The following KRI1 variants were observed in gnomAD, a reference collection of about 807,000 sequenced individuals.
KRI1 encodes protein KRI1 homolog.
KRI1 carries 83 observed loss-of-function variants against 97.0 expected under a neutral mutation model. That is an observed-to-expected ratio of 0.86 (90% CI 0.72 to 1.03). The LOEUF is 1.03. KRI1 is among the 50% of genes least tolerant of loss of function. KRI1 has a pLI of 0.00. For synonymous variants in KRI1, 371 were observed against 363.5 expected, an observed-to-expected ratio of 1.02 and a Z score of -0.23; for missense variants, 916 against 928.4, an observed-to-expected ratio of 0.99 and a Z score of 0.17.
chr19:10,565,815 C>CCCA lies in KRI1; in HGVS notation c.95-26_95-25insTGG, dbSNP rs201771280. 2,547 of 1,551,918 alleles carry CCCA rather than the reference C, an allele frequency of 1.6e-3. 53 individuals are homozygous for CCCA. In the African/African-American group the frequency reaches 0.03, roughly 19 times the overall value. On this transcript the variant is annotated intron_variant, in intron 1 of 18. Transcript: ENST00000312962. ...ACTGCGGGACACAGACGGGATGCCCCCCCCCAGGTCAGCCGGCGGGGCCAC... is the reference window on the plus strand; with the variant it reads ...ACTGCGGGACACAGACGGGATGCCCCCCACCCCCAGGTCAGCCGGCGGGGCCAC...
chr19:10,559,266 A>G, intron 12 of KRI1, 93 bp downstream of exon 12: 2 of 1,410,600 alleles, frequency 1.4e-6, no homozygotes, highest in Non-Finnish European at 1.9e-6. Context: ...TAGCCTCCCA[A>G]AGTGCTGGGA....
chr19:10,562,296 C>T (rs536696405), intron 4 of KRI1, among the ~76,000 whole-genome samples: 17 of 151,864 alleles, frequency 1.1e-4, no homozygotes, highest in Non-Finnish European at 2.2e-4. Context: ...GTGATCTGCC[C>T]GCCTCAGCCT....
intron 3 of KRI1, among the ~76,000 whole-genome samples, chr19:10,564,416 T>C (rs1001823372): frequency 4.6e-5 from 7 of 151,156 alleles, no homozygotes; most frequent in Non-Finnish European, 7.4e-5. Context: ...GCTGAGATCG[T>C]CCCATTGCAA....
intron 7 of KRI1, 42 bp downstream of exon 7, chr19:10,561,127 C>A (rs1003096792): frequency 6.2e-7 from 1 of 1,612,618 alleles, no homozygotes; most frequent in Admixed American, 1.7e-5. Context: ...CAGCCACCCG[C>A]CACCCTGTCC....
chr19:10,559,810 C>G lies in KRI1; in HGVS notation c.927G>C (p.Ser309=). Residue 309 remains serine (S), a splice_region_variant and synonymous_variant, in exon 10 of 19, where the codon TCG becomes TCC. Coordinates refer to ENST00000312962, the MANE Select transcript of KRI1 (RefSeq NM_023008.5). ...NFRFEEPDSA[S]VKTYPRSIAS... is the part of the protein sequence containing the mutation. ...GTCCTCCCCAGCCCCAGCCACACACCGATGCTGAGTCCGGCTCCTCGAAAC... is the reference window on the plus strand; with the variant it reads ...GTCCTCCCCAGCCCCAGCCACACACGGATGCTGAGTCCGGCTCCTCGAAAC... 1 of 1,613,848 alleles carries G rather than the reference C, an allele frequency of 6.2e-7. No individual in the cohort carries two copies. Among genetic ancestry groups the G allele is most frequent in the Non-Finnish European group, 8.5e-7 (1 of 1,179,976 alleles).
At position 10,565,706 on chromosome 19, in the gene KRI1, G is replaced by A. The variant is rs1440881333; in HGVS notation, c.168+11C>T. ...GCCTCCGCACGTCCAGGACGGGGCG[G>A]GGACGCGCACCACGCGCTCGTCGCT... On this transcript the variant is annotated intron_variant, in intron 2 of 18. Transcript: ENST00000312962. 15 of 1,563,228 alleles carry A rather than the reference G, an allele frequency of 9.6e-6. No homozygotes were observed. Among genetic ancestry groups the A allele is most frequent in the Non-Finnish European group, 1.3e-5 (15 of 1,155,400 alleles).
chr19:10,560,094 C>G (rs527346021), intron 9 of KRI1, among the ~76,000 whole-genome samples, 158 bp from the exon 10 acceptor site: 23 of 152,342 alleles, frequency 1.5e-4, no homozygotes, highest in Admixed American at 5.2e-4. Flanking sequence ...GATGGGGAAA[C>G]TGAGGCATGA....
rs1247920150 is a variant in KRI1 at position 10,553,373 on chromosome 19, TG to T, written c.*577del. The stretch of plus-strand genomic sequence containing the variant: ...GGCCCTCCCTGTCCCAAAGCCCCCT[TG>T]GGGGAACTGTGGCTGCTGGGGGCCA... On this transcript the variant is annotated 3_prime_UTR_variant, in exon 19 of 19. Coordinates refer to ENST00000312962, the MANE Select transcript of KRI1 (RefSeq NM_023008.5). 2.0e-5 allele frequency: 6 copies of T among 297,398 alleles called. No homozygotes were observed. The highest frequency in any genetic ancestry group is 3.2e-5 in the Non-Finnish European group (5 of 158,108). The allele number at this position is 297,398 out of a possible 1,614,324, so 18.4% of individuals were successfully genotyped here.
At position 10,554,079 on chromosome 19, in the gene KRI1, C is replaced by T. The variant is rs908569418; in HGVS notation, c.1984G>A (p.Val662Met). 6.2e-7 allele frequency: 1 copy of T among 1,614,108 alleles called. No homozygotes were observed. Among genetic ancestry groups the T allele is most frequent in the Non-Finnish European group, 8.5e-7 (1 of 1,180,056 alleles). The change falls in exon 19 of 19, where the codon GTG becomes ATG. Residue 662 changes from valine to methionine, a missense_variant. Coordinates refer to ENST00000312962, the MANE Select transcript of KRI1 (RefSeq NM_023008.5). ...AKKARLLGPT[V>M]MLGGCEFSRQ... ...CTGAACTCGCATCCACCAAGCATCA[C>T]AGTGGGGCCCAGCAGCCGTGCCTTC...
At position 10,554,097 on chromosome 19, in the gene KRI1, G is replaced by A. The variant is rs147727983; in HGVS notation, c.1966C>T (p.Arg656Trp). 256 of 1,614,094 alleles carry A rather than the reference G, an allele frequency of 1.6e-4. No individual in the cohort carries two copies. Among genetic ancestry groups the A allele is most frequent in the Non-Finnish European group, 2.0e-4 (234 of 1,180,054 alleles). Residue 656 changes from arginine to tryptophan, a missense_variant, in exon 19 of 19, where the codon CGG (arginine) becomes TGG (tryptophan). Physicochemically the swap from Arg to Trp is moderately radical, Grantham distance 101 (BLOSUM62 -3). Transcript: ENST00000312962. ...PQKRRRAKKA[R>W]LLGPTVMLGG... ...AGCATCACAGTGGGGCCCAGCAGCCGTGCCTTCTTGGCCCTCCTCCGCTTC... is the reference window on the plus strand; with the variant it reads ...AGCATCACAGTGGGGCCCAGCAGCCATGCCTTCTTGGCCCTCCTCCGCTTC...
intron 9 of KRI1, 110 bp from the exon 10 acceptor site, chr19:10,560,046 C>T (rs897227345): frequency 1.5e-6 from 2 of 1,370,750 alleles, no homozygotes; most frequent in South Asian, 1.3e-5. Flanking sequence ...CTCACAAGAA[C>T]CCTACAAGGT....
At position 10,561,814 on chromosome 19, in the gene KRI1, C is replaced by T. The variant is rs1213110303; in HGVS notation, c.415G>A (p.Glu139Lys). Residue 139 changes from glutamate (E) to lysine (K), a missense_variant, in exon 5 of 19, where the codon GAG (glutamate) becomes AAG (lysine). Coordinates refer to ENST00000312962, the MANE Select transcript of KRI1 (RefSeq NM_023008.5). ...ACCTGGAGTCTGTGATTGGAAGTCT[C>T]CCCGTCTGAGTTCTCCTCATCAACA... ...KYVDEENSDG[E>K]TSNHRLQETS... 2 of 1,613,962 alleles carry T rather than the reference C, an allele frequency of 1.2e-6. No individual in the cohort carries two copies. Among genetic ancestry groups the T allele is most frequent in the Admixed American group, 3.3e-5 (2 of 59,978 alleles).
chr19:10,559,879 C>G lies in KRI1; in HGVS notation c.858G>C (p.Leu286=). 1 of 1,613,676 alleles carries G rather than the reference C, an allele frequency of 6.2e-7. No individual in the cohort carries two copies. Among genetic ancestry groups the G allele is most frequent in the Non-Finnish European group, 8.5e-7 (1 of 1,180,012 alleles). Residue 286 remains leucine, a synonymous_variant, in exon 10 of 19, where the codon CTG becomes CTC. Coordinates refer to ENST00000312962, the MANE Select transcript of KRI1 (RefSeq NM_023008.5). ...CAAAGTCCTCCTGTTTCTTCAGAAA[C>G]AGCTCCCCTTCGTCTGAGGAGTCGT... is the stretch of plus-strand genomic sequence containing the variant. ...AVDDSSDEGE[L]FLKKQEDFEQ... is the part of the protein sequence containing the mutation.
At chr19:10,565,231 T>C (rs1916826490) in intron 2 of KRI1, 197 bp from the exon 3 acceptor site, 1 of 600,066 alleles carries the variant, frequency 1.7e-6, no homozygotes, top group Non-Finnish European at 3.0e-6. Flanking sequence ...AGGTACAGGA[T>C]ATGGGTAGAG....
In KRI1 at chr19:10,554,013, G is replaced by A; in HGVS notation, c.2050C>T (p.Leu684=). 1.2e-6 allele frequency: 2 copies of A among 1,613,734 alleles called. No individual in the cohort carries two copies. The highest frequency in any genetic ancestry group is 1.7e-6 in the Non-Finnish European group (2 of 1,179,734). ...TGCCGGCCCAGCTGGCGGAAGTGCA[G>A]CCGTTTGGGGTTGAGGCCAAAGGCC... ...LQAFGLNPKR[L]HFRQLGRQRR... The change falls in exon 19 of 19, where the codon CTG becomes TTG. Residue 684 remains leucine, a synonymous_variant. Coordinates refer to ENST00000312962, the MANE Select transcript of KRI1 (RefSeq NM_023008.5).
At chr19:10,560,888 A>C (rs1916670807) in intron 8 of KRI1, 115 bp downstream of exon 8, 1 of 775,598 alleles carries the variant, frequency 1.3e-6, no homozygotes, top group Non-Finnish European at 2.2e-6. Context: ...GAGATGTAGG[A>C]GCTGAGGCCC....
At chr19:10,565,092 C>A (rs1916822039) in intron 2 of KRI1, 58 bp from the exon 3 acceptor site, 2 of 1,155,556 alleles carry the variant, frequency 1.7e-6, no homozygotes, top group Non-Finnish European at 2.6e-6. Flanking sequence ...AGAGCCCTGG[C>A]GCCAGCAGGT....
chr19:10,564,761 A>C (rs1242125595), intron 3 of KRI1, among the ~76,000 whole-genome samples, 168 bp downstream of exon 3: 1 of 152,200 alleles, frequency 6.6e-6, no homozygotes, highest in African/African-American at 2.4e-5. Context: ...GGTAAATCCC[A>C]ATCTATCCTT....
chr19:10,564,090 G>A (rs1599537099), intron 3 of KRI1, among the ~76,000 whole-genome samples: 1 of 150,630 alleles, frequency 6.6e-6, no homozygotes, highest in East Asian at 2.0e-4. Flanking sequence ...AGGTTGCAGT[G>A]AGCCCAGATC....
Sources: allele counts gnomAD v4.1 joint callset (sites outside exome capture counted in the v4.1 genomes callset), GRCh38; gene constraint gnomAD v4.1.1; transcripts MANE v1.5; gene names NCBI Gene and HGNC (gene_info 2026-07-23, HGNC 2026-07-21).